Variants in SLC25A48 observed in about 807,000 individuals in gnomAD.
SLC25A48 encodes the protein solute carrier family 25 member 48, also known as CTC-321K16.1.
Under a neutral mutation model 32.2 loss-of-function variants are expected in SLC25A48, and 29 were observed. The ratio of observed to expected loss-of-function variants is 0.90; its 90% CI spans 0.67 to 1.23. SLC25A48 has a LOEUF of 1.23. SLC25A48 is among the 50% of genes most tolerant of loss of function. The pLI, the probability that SLC25A48 is intolerant of heterozygous loss-of-function variation, is 0.00. For synonymous variants in SLC25A48, 164 were observed against 172.3 expected, an observed-to-expected ratio of 0.95 and a Z score of 0.38; for missense variants, 399 against 422.7, an observed-to-expected ratio of 0.94 and a Z score of 0.49.
At chr5:135,618,507 T>C (rs370977632) in intron 1 of SLC25A48, among the ~76,000 whole-genome samples, 1 of 152,290 alleles carries the variant, frequency 6.6e-6, no homozygotes, top group East Asian at 1.9e-4. Context: ...TTCTCTCTTA[T>C]TGTTTATCAT....
chr5:135,779,507 T>TCATAGGAGA (rs1276241093), intron 3 of SLC25A48, among the ~76,000 whole-genome samples: 1,472 of 122,036 alleles, frequency 0.012, 141 homozygotes, highest in Middle Eastern at 0.026. Flanking sequence ...ACTCCCAATA[T>TCATAGGAGA]TGCAGGGGGT....
intron 3 of SLC25A48, among the ~76,000 whole-genome samples, chr5:135,776,375 C>G (rs74380262): frequency 6.6e-6 from 1 of 151,636 alleles, no homozygotes; most frequent in Non-Finnish European, 1.5e-5. Flanking sequence ...TAATATTACT[C>G]CCAATATCGT....
chr5:135,757,578 GTTA>G (rs966751994), intron 3 of SLC25A48, among the ~76,000 whole-genome samples: 1 of 149,074 alleles, frequency 6.7e-6, no homozygotes, highest in African/African-American at 2.4e-5. Context: ...AACACACAGT[GTTA>G]TTACTATATT....
At chr5:135,784,572 A>G (rs761359305) in intron 3 of SLC25A48, among the ~76,000 whole-genome samples, 1 of 117,300 alleles carries the variant, frequency 8.5e-6, no homozygotes, top group Non-Finnish European at 2.1e-5. Flanking sequence ...TACACCCACC[A>G]CGTGATATTG....
chr5:135,610,233 C>T (rs1246969825), intron 1 of SLC25A48, among the ~76,000 whole-genome samples: 1 of 152,218 alleles, frequency 6.6e-6, no homozygotes, highest in Non-Finnish European at 1.5e-5. Context: ...CTTCTCACTA[C>T]ACCTGACGGG....
At chr5:135,636,608 G>T (rs1752712603) in intron 3 of SLC25A48, among the ~76,000 whole-genome samples, 1 of 152,190 alleles carries the variant, frequency 6.6e-6, no homozygotes, top group African/African-American at 2.4e-5. Flanking sequence ...GCAGGAATCT[G>T]CTCACGTTGC....
At chr5:135,635,644 A>G (rs1024126433) in intron 3 of SLC25A48, among the ~76,000 whole-genome samples, 33 of 152,314 alleles carry the variant, frequency 2.2e-4, no homozygotes, top group African/African-American at 5.3e-4. Context: ...GGAGAAAGTA[A>G]AACAGTCTTG....
At chr5:135,724,716 G>C (rs1007875876) in intron 3 of SLC25A48, among the ~76,000 whole-genome samples, 2 of 152,224 alleles carry the variant, frequency 1.3e-5, no homozygotes, top group African/African-American at 4.8e-5. Flanking sequence ...CTATGACCAG[G>C]GTTCTGTTCT....
intron 1 of SLC25A48, among the ~76,000 whole-genome samples, chr5:135,623,881 G>GCTGCT (rs1299804238): frequency 6.6e-6 from 1 of 152,186 alleles, no homozygotes; most frequent in Non-Finnish European, 1.5e-5. Context: ...TATTACTGCT[G>GCTGCT]CTGCTGTTGC....
chr5:135,813,779 G>A (rs1330286826), intron 4 of SLC25A48, among the ~76,000 whole-genome samples: 1 of 152,116 alleles, frequency 6.6e-6, no homozygotes, highest in Non-Finnish European at 1.5e-5. Context: ...GCAATGTTGG[G>A]AAAAAGGGGA....
intron 6 of SLC25A48, among the ~76,000 whole-genome samples, chr5:135,879,603 A>AGTGTGTGT (rs1401571630): frequency 3.8e-5 from 5 of 130,054 alleles, no homozygotes; most frequent in African/African-American, 7.5e-5. Flanking sequence ...AGAGAGAGAG[A>AGTGTGTGT]GAGAGAGAGT....
chr5:135,872,638 A>G (rs562315233), intron 5 of SLC25A48: 1 of 152,374 alleles, frequency 6.6e-6, no homozygotes, highest in South Asian at 2.1e-4. Context: ...TGCTGTAATG[A>G]GGAACAGAGA....
intron 3 of SLC25A48, among the ~76,000 whole-genome samples, chr5:135,786,414 T>G (rs1756850262): frequency 6.6e-6 from 1 of 151,968 alleles, no homozygotes; most frequent in South Asian, 2.1e-4. Flanking sequence ...ACGCCATGTG[T>G]GTATACTCTG....
chr5:135,672,182 T>G (rs1753671130), intron 3 of SLC25A48, among the ~76,000 whole-genome samples: 1 of 152,200 alleles, frequency 6.6e-6, no homozygotes, highest in African/African-American at 2.4e-5. Flanking sequence ...GAAACTTGTA[T>G]GTAACCCAAT....
chr5:135,726,565 G>T (rs1396445567), intron 3 of SLC25A48, among the ~76,000 whole-genome samples: 2 of 152,152 alleles, frequency 1.3e-5, no homozygotes, highest in African/African-American at 4.8e-5. Context: ...GGAATCCTGT[G>T]GTATGTAACT....
intron 3 of SLC25A48, among the ~76,000 whole-genome samples, chr5:135,743,746 C>T (rs1253547567): frequency 6.6e-6 from 1 of 152,236 alleles, no homozygotes; most frequent in African/African-American, 2.4e-5. Context: ...AACTAGACCC[C>T]TGCAAAAGGC....
At chr5:135,618,428 T>A (rs749156273) in intron 1 of SLC25A48, among the ~76,000 whole-genome samples, 15 of 152,124 alleles carry the variant, frequency 9.9e-5, no homozygotes, top group Non-Finnish European at 1.8e-4. Context: ...ATTTTTGATA[T>A]GTGAGGGCTT....
intron 1 of SLC25A48, among the ~76,000 whole-genome samples, chr5:135,623,577 C>A (rs980896656): frequency 1.3e-5 from 2 of 152,184 alleles, no homozygotes; most frequent in Non-Finnish European, 2.9e-5. Flanking sequence ...TCAGGCTTGT[C>A]CCTTCACTTC....
intron 3 of SLC25A48, among the ~76,000 whole-genome samples, chr5:135,668,944 C>T (rs1441284600): frequency 6.6e-6 from 1 of 152,130 alleles, no homozygotes; most frequent in Non-Finnish European, 1.5e-5. Flanking sequence ...TCAAAGATGT[C>T]ATAGCTCAGT....
Sources: gnomAD v4.1 joint callset for allele counts (sites outside exome capture counted in the v4.1 genomes callset) on GRCh38, gnomAD v4.1.1 for gene constraint, MANE v1.5 for transcripts, NCBI Gene and HGNC (gene_info 2026-07-23, HGNC 2026-07-21) for gene names.